FGF2: variants seen among roughly 807,000 people sequenced by gnomAD.
The protein encoded by FGF2 is basic fibroblast growth factor bFGF.
A neutral mutation model predicts 15.9 loss-of-function variants in FGF2; 13 were observed. That is an observed-to-expected ratio of 0.82 (90% CI 0.53 to 1.30). FGF2 has a LOEUF of 1.30. Among genes scored for constraint, FGF2 ranks in the 50% most tolerant of loss-of-function variants. The probability of loss-of-function intolerance (pLI) is 0.00; values close to 1 mark genes in which losing one functional copy is unlikely to be tolerated. For synonymous variants in FGF2, 90 were observed against 78.4 expected, an observed-to-expected ratio of 1.15 and a Z score of -0.78; for missense variants, 163 against 196.9, an observed-to-expected ratio of 0.83 and a Z score of 1.03.
At chr4:122,887,841 T>G (rs188823070) in intron 2 of FGF2, among the ~76,000 whole-genome samples, 804 of 152,350 alleles carry the variant, frequency 5.3e-3, no homozygotes, top group Middle Eastern at 0.014. Context: ...ACATTTCTTT[T>G]TTAGGTTTAT....
intron 1 of FGF2, among the ~76,000 whole-genome samples, chr4:122,866,367 CAAA>C (rs60127443): frequency 7.6e-6 from 1 of 132,170 alleles, no homozygotes. Context: ...GACTCCGTCT[CAAA>C]AAAAAAAAAA....
Position 122,827,639 on chromosome 4 carries a change from G to C in FGF2, c.178+287G>C, listed in dbSNP as rs2922980. On this transcript the variant is annotated intron_variant, in intron 1 of 2. Coordinates refer to ENST00000644866, the MANE Select transcript of FGF2 (RefSeq NM_001361665.2). This position sits in a 1 kb window ranked among gnomAD's most constrained non-coding sequence, Gnocchi z 4.2. Reference sequence around the variant, plus strand: ...CGCGCCGGGGCCTCGCGGACTGGCTGTCTTCCCGCGGACAACCTGTCGCGT... The same window carrying C: ...CGCGCCGGGGCCTCGCGGACTGGCTCTCTTCCCGCGGACAACCTGTCGCGT... 0.039 allele frequency among the ~76,000 whole-genome samples: 5,989 copies of C among 152,238 alleles called. 311 individuals carry two copies. The highest frequency in any genetic ancestry group is 0.12 in the South Asian group (577 of 4,824).
chr4:122,830,580 T>C (rs554150008), intron 1 of FGF2, among the ~76,000 whole-genome samples: 1 of 152,252 alleles, frequency 6.6e-6, no homozygotes, highest in African/African-American at 2.4e-5. Context: ...CTCCAGCATG[T>C]GCGCTGCACT....
At chr4:122,837,242 C>T (rs1462098360) in intron 1 of FGF2, among the ~76,000 whole-genome samples, 1 of 152,148 alleles carries the variant, frequency 6.6e-6, no homozygotes, top group Non-Finnish European at 1.5e-5. Flanking sequence ...GATGTGATGT[C>T]TGCAAGGGTG....
Position 122,893,359 on chromosome 4 carries a change from A to G in FGF2, c.*963A>G. The G allele has an allele frequency of 1.2e-6, 1 of 810,994 alleles. No homozygotes were observed. Among genetic ancestry groups the G allele is most frequent in the Non-Finnish European group, 1.8e-6 (1 of 555,950 alleles). The allele number at this position is 810,994 out of a possible 1,614,324, so 50.2% of individuals were successfully genotyped here. A position where few individuals can be genotyped will look rare whatever the true frequency, so the allele number is the denominator to read the frequency against. On this transcript the variant is annotated 3_prime_UTR_variant, in exon 3 of 3. Coordinates refer to ENST00000644866, the MANE Select transcript of FGF2 (RefSeq NM_001361665.2). ...CTAACAAAGTAAAGTTTTCAATACA[A>G]ATTCTTTGCCTTGTGGATATCAAGA...
intron 1 of FGF2, among the ~76,000 whole-genome samples, chr4:122,862,943 C>A (rs1726501929): frequency 6.6e-6 from 1 of 152,190 alleles, no homozygotes; most frequent in Non-Finnish European, 1.5e-5. Context: ...GGAGTCATCT[C>A]CGGCTTGTTA....
chr4:122,826,688 G>C (rs1254780526), upstream of FGF2: 3 of 1,253,270 alleles, frequency 2.4e-6, no homozygotes, highest in Non-Finnish European at 3.0e-6. Flanking sequence ...TGTTGTGGCC[G>C]AACCGCCGAA....
intron 1 of FGF2, among the ~76,000 whole-genome samples, chr4:122,843,003 T>C (rs182190953): frequency 6.6e-6 from 1 of 152,326 alleles, no homozygotes; most frequent in Non-Finnish European, 1.5e-5. Context: ...CACTATATTA[T>C]ACAGAGCATT....
intron 1 of FGF2, among the ~76,000 whole-genome samples, chr4:122,843,292 G>A (rs990394683): frequency 6.6e-6 from 1 of 152,222 alleles, no homozygotes; most frequent in African/African-American, 2.4e-5. Flanking sequence ...AGGCCAAGGA[G>A]GCAGGGCCAG....
chr4:122,849,688 T>C (rs980643377), intron 1 of FGF2, among the ~76,000 whole-genome samples: 5 of 152,296 alleles, frequency 3.3e-5, no homozygotes, highest in African/African-American at 9.6e-5. Context: ...TATAGGAACA[T>C]TGAGGGACTT....
chr4:122,836,344 T>C (rs562418669), intron 1 of FGF2, among the ~76,000 whole-genome samples: 1 of 152,334 alleles, frequency 6.6e-6, no homozygotes, highest in South Asian at 2.1e-4. Flanking sequence ...AACCAGGCAG[T>C]TTTCCTTAAG....
intron 1 of FGF2, among the ~76,000 whole-genome samples, chr4:122,833,346 A>C (rs1393143064): frequency 6.6e-6 from 1 of 152,230 alleles, no homozygotes; most frequent in Non-Finnish European, 1.5e-5. Flanking sequence ...AGCTATGTGA[A>C]TATTAAGTGT....
rs185305876 is a variant in FGF2 at position 122,842,857 on chromosome 4, C to G, written c.178+15505C>G. 1.8e-3 allele frequency among the ~76,000 whole-genome samples: 271 copies of G among 152,200 alleles called. 3 individuals are homozygous for G. Among genetic ancestry groups the G allele is most frequent in the Non-Finnish European group, 2.7e-3 (187 of 68,006 alleles). The stretch of plus-strand genomic sequence containing the variant: ...CATTTGTATTTGCCTTATTAAAAAG[C>G]CATTTTTAAAGTTTTTTGTTTTGGT... On this transcript the variant is annotated intron_variant, in intron 1 of 2. Transcript: ENST00000644866.
intron 1 of FGF2, among the ~76,000 whole-genome samples, chr4:122,842,591 G>A (rs1030019211): frequency 2.6e-5 from 4 of 152,178 alleles, no homozygotes; most frequent in Non-Finnish European, 5.9e-5. Flanking sequence ...AAACATTAAA[G>A]AAATGTTGAG....
At chr4:122,849,790 G>A (rs1726191607) in intron 1 of FGF2, among the ~76,000 whole-genome samples, 1 of 152,076 alleles carries the variant, frequency 6.6e-6, no homozygotes, top group Non-Finnish European at 1.5e-5. Context: ...CTTAGAGCAT[G>A]GTGTAGAGAA....
intron 1 of FGF2, among the ~76,000 whole-genome samples, chr4:122,843,361 G>A (rs1375216754): frequency 2.6e-5 from 4 of 152,244 alleles, no homozygotes; most frequent in Middle Eastern, 3.2e-3. Flanking sequence ...AGACCTGCTA[G>A]CTAGGCAGGG....
intron 2 of FGF2, among the ~76,000 whole-genome samples, chr4:122,890,407 A>T (rs1727143376): frequency 6.6e-6 from 1 of 152,236 alleles, no homozygotes; most frequent in Non-Finnish European, 1.5e-5. Context: ...GTAACGTATT[A>T]CATAATAGGC....
chr4:122,861,739 C>G (rs530459318), intron 1 of FGF2, among the ~76,000 whole-genome samples: 3 of 152,102 alleles, frequency 2.0e-5, no homozygotes, highest in Non-Finnish European at 4.4e-5. Flanking sequence ...ATTTAGTCCC[C>G]CATACCCCCT....
At chr4:122,844,107 ACTC>A (rs1300014480) in intron 1 of FGF2, among the ~76,000 whole-genome samples, 1 of 152,158 alleles carries the variant, frequency 6.6e-6, no homozygotes, top group African/African-American at 2.4e-5. Context: ...TTAGAGGCAA[ACTC>A]TTCAAACCCT....
Sources: gnomAD v4.1 joint callset for allele counts (sites outside exome capture counted in the v4.1 genomes callset) on GRCh38, gnomAD v4.1.1 for gene constraint, Gnocchi (gnomAD v3.1) non-coding constraint, MANE v1.5 for transcripts, NCBI Gene and HGNC (gene_info 2026-07-23, HGNC 2026-07-21) for gene names.